DNAH5: variants seen among roughly 807,000 people sequenced by gnomAD.
DNAH5 encodes dynein axonemal heavy chain 5.
In DNAH5, 372 loss-of-function variants were observed where a neutral mutation model predicts 518.2. The observed-to-expected ratio is 0.72, with a 90% CI of 0.66 to 0.78. The LOEUF is 0.78. DNAH5 is among the 30% of genes least tolerant of loss of function. The probability of loss-of-function intolerance (pLI) is 0.00; values close to 1 mark genes in which losing one functional copy is unlikely to be tolerated. For missense variants in DNAH5, 5,523 were observed against 5,687.0 expected, an observed-to-expected ratio of 0.97 and a Z score of 0.93; for synonymous variants, 2,039 against 2,025.9, an observed-to-expected ratio of 1.01 and a Z score of -0.17.
chr5:13,938,826 A>G (rs1400083331), intron 1 of DNAH5, among the ~76,000 whole-genome samples: 1 of 152,238 alleles, frequency 6.6e-6, no homozygotes, highest in African/African-American at 2.4e-5. Context: ...GAAACCAAGG[A>G]CATGGATTTG....
intron 38 of DNAH5, 94 bp from the exon 39 acceptor site, chr5:13,824,427 A>T: frequency 2.4e-6 from 3 of 1,230,380 alleles, no homozygotes; most frequent in Non-Finnish European, 3.5e-6. Context: ...ACAATAATGA[A>T]TAAATGCTGA....
At chr5:13,905,196 T>C (rs1775137000) in intron 12 of DNAH5, among the ~76,000 whole-genome samples, 1 of 152,214 alleles carries the variant, frequency 6.6e-6, no homozygotes, top group South Asian at 2.1e-4. Flanking sequence ...TCAAGCATGC[T>C]ATGGTTTAAA....
intron 31 of DNAH5, 129 bp downstream of exon 31, chr5:13,850,523 T>C (rs1291111340): frequency 1.3e-6 from 1 of 750,640 alleles, no homozygotes; most frequent in Non-Finnish European, 2.3e-6. Flanking sequence ...ATCAGTTTCA[T>C]CTGTGCAACA....
At chr5:14,008,633 CA>C (rs375899215) in intron 1 of DNAH5, among the ~76,000 whole-genome samples, 14 of 130,990 alleles carry the variant, frequency 1.1e-4, no homozygotes, top group Non-Finnish European at 1.1e-4. Context: ...GACTCTGTCT[CA>C]AAAAAAAAAG....
At chr5:13,857,519 T>C (rs904297768) in intron 30 of DNAH5, among the ~76,000 whole-genome samples, 2 of 152,100 alleles carry the variant, frequency 1.3e-5, no homozygotes, top group African/African-American at 4.8e-5. Flanking sequence ...CTACTTTAAA[T>C]TTCATATGGA....
chr5:13,702,641 C>G (rs564796265), intron 76 of DNAH5, among the ~76,000 whole-genome samples: 17 of 151,894 alleles, frequency 1.1e-4, no homozygotes, highest in African/African-American at 4.1e-4. Flanking sequence ...ACAAAACTCT[C>G]TGGCATGGAC....
rs1407265486 is a variant in DNAH5 at position 13,850,760 on chromosome 5, G to A, written c.5006C>T (p.Ala1669Val). ...CTGGACTACACTGGGCACTTCATGTGCCCGAGTCATGATCTTCACCCAAGA... is the reference window on the plus strand; with the variant it reads ...CTGGACTACACTGGGCACTTCATGTACCCGAGTCATGATCTTCACCCAAGA... ...DKSWVKIMTRAHEVPSVVQCC... is the reference protein window; with the variant it reads ...DKSWVKIMTRVHEVPSVVQCC... Residue 1669 changes from alanine (A) to valine (V), a missense_variant, in exon 31 of 79, where the codon GCA becomes GTA. This residue lies in a region of DNAH5 where 5,121 missense variants were observed against 5,223.3 expected (regional missense o/e 0.98). Coordinates refer to ENST00000265104, the MANE Select transcript of DNAH5 (RefSeq NM_001369.3). 5.0e-6 allele frequency: 8 copies of A among 1,613,976 alleles called. No individual in the cohort carries two copies. The highest frequency in any genetic ancestry group is 6.8e-6 in the Non-Finnish European group (8 of 1,179,992).
At position 13,733,698 on chromosome 5, in the gene DNAH5, G is replaced by GAT. The variant is rs569981386; in HGVS notation, c.11761+1431_11761+1432dup. ...AGATGAGTCTTTGTTGCTACTATAA[G>GAT]ATATATATATACACACACACATATG... On this transcript the variant is annotated intron_variant, in intron 68 of 78. Coordinates refer to ENST00000265104, the MANE Select transcript of DNAH5 (RefSeq NM_001369.3). Among the ~76,000 whole-genome samples the GAT allele has an allele frequency of 5.1e-4, 78 of 151,890 alleles. No homozygotes were observed. In the South Asian group the frequency reaches 9.8e-3, roughly 19 times the overall value.
intron 32 of DNAH5, among the ~76,000 whole-genome samples, chr5:13,842,679 C>T (rs10039447): frequency 2.0e-5 from 3 of 151,832 alleles, no homozygotes; most frequent in African/African-American, 2.4e-5. Flanking sequence ...TGTAGACAGA[C>T]GTGATCTACC....
intron 30 of DNAH5, 135 bp downstream of exon 30, chr5:13,859,310 TAACAGCA>T: frequency 1.2e-6 from 1 of 862,314 alleles, no homozygotes; most frequent in Non-Finnish European, 1.9e-6. Context: ...CTTTGAAGAA[TAACAGCA>T]TTAACAGTGA....
At position 13,865,925 on chromosome 5, in the gene DNAH5, A is replaced by G; in HGVS notation, c.4117-19T>C. The G allele has an allele frequency of 6.9e-7, 1 of 1,443,218 alleles. No homozygotes were observed. Among genetic ancestry groups the G allele is most frequent in the Non-Finnish European group, 9.7e-7 (1 of 1,025,878 alleles). The allele number at this position is 1,443,218 out of a possible 1,614,324, so 89.4% of individuals were successfully genotyped here. ...ATTGATTCTAATAAAAACACAAGTG[A>G]AAACGCATCAAAATGATTTATACAT... On this transcript the variant is annotated intron_variant, in intron 26 of 78. Transcript: ENST00000265104.
In DNAH5 at chr5:13,737,450, T is replaced by C; in HGVS notation, c.11257A>G (p.Asn3753Asp). 1 of 1,614,138 alleles carries C rather than the reference T, an allele frequency of 6.2e-7. No individual in the cohort carries two copies. The highest frequency in any genetic ancestry group is 8.5e-7 in the Non-Finnish European group (1 of 1,179,974). ...RTHLMEDVTA[N>D]KRRMKELEDN... The stretch of plus-strand genomic sequence containing the variant: ...TCTAGTTCCTTCATCCTTCTTTTGT[T>C]TGCAGTTACATCTTCCATCAGATGA... The change falls in exon 66 of 79, where the codon AAC becomes GAC. Residue 3753 changes from asparagine (N) to aspartate (D), a missense_variant. Around this residue, in one of 3 missense-constraint regions of DNAH5, gnomAD observed 5,121 missense variants for 5,223.3 expected, o/e 0.98. Coordinates refer to ENST00000265104, the MANE Select transcript of DNAH5 (RefSeq NM_001369.3).
intron 59 of DNAH5, among the ~76,000 whole-genome samples, chr5:13,765,320 T>A (rs13156606): frequency 0.21 from 32,541 of 152,156 alleles, 3,641 homozygotes; most frequent in Admixed American, 0.27. Flanking sequence ...AAAGAAAGAC[T>A]GTCATTTGCA....
rs1740681546 is a variant in DNAH5 at position 13,691,433 on chromosome 5, A to G, written c.*551T>C. 1 of 153,268 alleles carries G rather than the reference A, an allele frequency of 6.5e-6. No individual in the cohort carries two copies. The highest frequency in any genetic ancestry group is 2.4e-5 in the African/African-American group (1 of 41,444). 9.5% of individuals were successfully genotyped at this position (153,268 alleles called of 1,614,324 possible). ...AAGCATTGTTCTACGTTTATTCTCT[A>G]TGTTTACATAAATTTTCTATTTACA... On this transcript the variant is annotated 3_prime_UTR_variant, in exon 79 of 79. Transcript: ENST00000265104.
chr5:13,786,594 T>C (rs943280603), intron 51 of DNAH5, among the ~76,000 whole-genome samples: 6 of 152,222 alleles, frequency 3.9e-5, no homozygotes, highest in Non-Finnish European at 7.3e-5. Flanking sequence ...ATTATCGTCA[T>C]TGAATTGAAT....
At chr5:13,732,359 G>A (rs1487468781) in intron 68 of DNAH5, among the ~76,000 whole-genome samples, 2 of 151,968 alleles carry the variant, frequency 1.3e-5, no homozygotes, top group East Asian at 1.9e-4. Context: ...CAGGAGCTGG[G>A]GTCTCTCTTG....
In DNAH5 at chr5:13,994,903, G is replaced by A. The variant is rs60075021; in HGVS notation, c.12+16745C>T. ...CTGCTTGTGTTCATTGCCACAATCC[G>A]TCTCCAGCAGCATTCATCCATCACA... On this transcript the variant is annotated intron_variant, in intron 1 of 78. Transcript: ENST00000681290. Among the ~76,000 whole-genome samples the A allele has an allele frequency of 8.5e-3, 1,292 of 152,246 alleles. 18 individuals carry two copies. The highest frequency in any genetic ancestry group is 0.029 in the African/African-American group (1,201 of 41,540).
chr5:13,702,592 C>G (rs1455426957), intron 76 of DNAH5, among the ~76,000 whole-genome samples: 1 of 152,120 alleles, frequency 6.6e-6, no homozygotes, highest in Non-Finnish European at 1.5e-5. Flanking sequence ...CTGGAAGAAT[C>G]TCCCTCTGTC....
intron 1 of DNAH5, among the ~76,000 whole-genome samples, chr5:14,011,414 T>C (rs1053934872): frequency 2.0e-5 from 3 of 152,242 alleles, no homozygotes; most frequent in African/African-American, 4.8e-5. Flanking sequence ...GATTGACAAC[T>C]ACCCCCTGAG....
Sources: gnomAD v4.1 joint callset for allele counts (sites outside exome capture counted in the v4.1 genomes callset) on GRCh38, gnomAD v4.1.1 for gene constraint, gnomAD v4.1.1 regional missense constraint, MANE v1.5 for transcripts, NCBI Gene and HGNC (gene_info 2026-07-23, HGNC 2026-07-21) for gene names.